The following ARB2A variants were observed in gnomAD, a reference collection of about 807,000 sequenced individuals.
The protein encoded by ARB2A is cotranscriptional regulator ARB2A.
chr5:93,669,792 C>T, the ARB2A span, among the ~76,000 whole-genome samples: 1 of 152,170 alleles, frequency 6.6e-6, no homozygotes, highest in African/African-American at 2.4e-5. Context: ...TAGACCCTTA[C>T]ATTCTAGTCA....
the ARB2A span, among the ~76,000 whole-genome samples, chr5:93,934,547 T>C: frequency 2.6e-5 from 4 of 152,192 alleles, no homozygotes; most frequent in Non-Finnish European, 5.9e-5. Context: ...CTAATCTCTT[T>C]GCCTGTAGTT....
the ARB2A span, among the ~76,000 whole-genome samples, chr5:93,984,787 T>C: frequency 6.6e-6 from 1 of 152,158 alleles, no homozygotes; most frequent in Non-Finnish European, 1.5e-5. Flanking sequence ...GCACAATACA[T>C]GAATAATGAA....
chr5:94,103,027 A>G, the ARB2A span, among the ~76,000 whole-genome samples: 1 of 152,114 alleles, frequency 6.6e-6, no homozygotes, highest in Non-Finnish European at 1.5e-5. Context: ...AGCACTAAAT[A>G]TGAAATTGAA....
chr5:93,716,871 T>C, the ARB2A span, among the ~76,000 whole-genome samples: 12 of 152,154 alleles, frequency 7.9e-5, no homozygotes, highest in Non-Finnish European at 1.6e-4. Context: ...GAATGAATTA[T>C]ATAAATTCAG....
chr5:94,086,105 A>G, the ARB2A span, among the ~76,000 whole-genome samples: 104 of 152,334 alleles, frequency 6.8e-4, no homozygotes, highest in Non-Finnish European at 1.4e-3. Context: ...GGGTAAATTT[A>G]TAGGTGTTAA....
At chr5:93,769,492 T>A in the ARB2A span, among the ~76,000 whole-genome samples, 1 of 152,170 alleles carries the variant, frequency 6.6e-6, no homozygotes, top group Non-Finnish European at 1.5e-5. Context: ...TGTTGAACAA[T>A]TAATCTTTTT....
chr5:93,708,730 CG>C, the ARB2A span, among the ~76,000 whole-genome samples: 2 of 151,866 alleles, frequency 1.3e-5, no homozygotes, highest in Non-Finnish European at 2.9e-5. Context: ...TGGGGAACCT[CG>C]CTCTGCACCT....
the ARB2A span, among the ~76,000 whole-genome samples, chr5:94,073,818 G>T: frequency 6.6e-6 from 1 of 152,052 alleles, no homozygotes; most frequent in Admixed American, 6.6e-5. Flanking sequence ...ATTCTCTGCT[G>T]AAAGTTCTCC....
chr5:94,046,496 G>GGAAA, the ARB2A span, among the ~76,000 whole-genome samples: 1 of 152,132 alleles, frequency 6.6e-6, no homozygotes, highest in Non-Finnish European at 1.5e-5. Context: ...GAGGGCATGT[G>GGAAA]GAAAGCATGC....
chr5:93,932,051 T>C, the ARB2A span, among the ~76,000 whole-genome samples: 30 of 152,320 alleles, frequency 2.0e-4, no homozygotes, highest in African/African-American at 6.5e-4. Context: ...ATTTATACAA[T>C]AATTAGATTA....
At chr5:93,713,580 G>A in the ARB2A span, among the ~76,000 whole-genome samples, 1 of 152,212 alleles carries the variant, frequency 6.6e-6, no homozygotes, top group African/African-American at 2.4e-5. Flanking sequence ...TGTGGAGAAA[G>A]GGACACCCTT....
the ARB2A span, among the ~76,000 whole-genome samples, chr5:93,941,702 T>A: frequency 6.6e-6 from 1 of 152,164 alleles, no homozygotes; most frequent in African/African-American, 2.4e-5. Flanking sequence ...AAAAATAATA[T>A]CTAATTGTTT....
At chr5:93,767,335 T>C in the ARB2A span, among the ~76,000 whole-genome samples, 8 of 152,164 alleles carry the variant, frequency 5.3e-5, no homozygotes, top group Non-Finnish European at 8.8e-5. Flanking sequence ...CAATGTGGTA[T>C]CACCTTACTC....
the ARB2A span, among the ~76,000 whole-genome samples, chr5:93,627,920 CT>C: frequency 3.9e-4 from 58 of 149,148 alleles, no homozygotes; most frequent in African/African-American, 1.4e-3. Flanking sequence ...TGAAAGAATT[CT>C]TTTTTTTTTC....
the ARB2A span, among the ~76,000 whole-genome samples, chr5:93,768,306 C>T: frequency 1.7e-3 from 264 of 151,304 alleles, 4 homozygotes; most frequent in African/African-American, 6.2e-3. Context: ...AAAGAACTTA[C>T]TCATGTAACC....
At chr5:93,628,052 A>ATTTT in the ARB2A span, among the ~76,000 whole-genome samples, 2 of 68,300 alleles carry the variant, frequency 2.9e-5, no homozygotes, top group East Asian at 4.8e-4. Context: ...ATGTAGCATA[A>ATTTT]TTTTTTTTTT....
chr5:93,666,643 G>A, the ARB2A span, among the ~76,000 whole-genome samples: 1 of 152,022 alleles, frequency 6.6e-6, no homozygotes, highest in Middle Eastern at 3.4e-3. Context: ...TCTAACTAAT[G>A]ACAGGTACTA....
the ARB2A span, among the ~76,000 whole-genome samples, chr5:93,675,074 T>C: frequency 6.6e-6 from 1 of 152,176 alleles, no homozygotes; most frequent in African/African-American, 2.4e-5. Context: ...CATTTGTACT[T>C]TTCACTTTCT....
At chr5:93,985,853 G>C in the ARB2A span, among the ~76,000 whole-genome samples, 2 of 152,200 alleles carry the variant, frequency 1.3e-5, no homozygotes, top group African/African-American at 4.8e-5. Context: ...ACCCCGTCTG[G>C]GAAGTGAGGA....
Sources: gnomAD v4.1 joint callset for allele counts (sites outside exome capture counted in the v4.1 genomes callset) on GRCh38, gnomAD v4.1.1 for gene constraint, MANE v1.5 for transcripts, NCBI Gene and HGNC (gene_info 2026-07-23, HGNC 2026-07-21) for gene names.